The following SEC13 variants were observed in gnomAD, a reference collection of about 807,000 sequenced individuals.
SEC13 encodes the protein SEC13 homolog, nuclear pore and COPII component, also known as protein SEC13 homolog.
A neutral mutation model predicts 49.2 loss-of-function variants in SEC13; 25 were observed. The observed-to-expected ratio is 0.51, with a 90% confidence interval of 0.37 to 0.71. The LOEUF (loss-of-function observed/expected upper bound fraction) is 0.71. Ranked by LOEUF, SEC13 falls within the 30% of genes least tolerant of loss-of-function variation. SEC13 has a pLI of 0.00. For missense variants in SEC13, 383 were observed against 417.6 expected, an observed-to-expected ratio of 0.92 and a Z score of 0.72; for synonymous variants, 148 against 163.9, an observed-to-expected ratio of 0.90 and a Z score of 0.74.
rs11540907 is a variant in SEC13, at chr3:10,301,001, T to C, written c.*260A>G. The C allele has an allele frequency of 7.4e-7, 1 of 1,343,716 alleles. No homozygotes were observed. The highest frequency in any genetic ancestry group is 2.5e-5 in the East Asian group (1 of 40,754). 83.2% of individuals were successfully genotyped at this position (1,343,716 alleles called of 1,614,324 possible). A position where few individuals can be genotyped will look rare whatever the true frequency, so the allele number is the denominator to read the frequency against. ...CCCAAATAATGCCTGAACCCAAAGGTACATAAAAATGACCCAAAATAGATT... is the reference window on the plus strand; with the variant it reads ...CCCAAATAATGCCTGAACCCAAAGGCACATAAAAATGACCCAAAATAGATT... On this transcript the variant is annotated 3_prime_UTR_variant, in exon 9 of 9. Transcript: ENST00000350697.
intron 3 of SEC13, chr3:10,315,031 T>C (rs932413655): frequency 6.4e-6 from 2 of 312,274 alleles, no homozygotes; most frequent in Non-Finnish European, 1.2e-5. Flanking sequence ...GATGAGCAGA[T>C]GAAGGCTCTG....
At chr3:10,315,238 C>T in intron 3 of SEC13, 83 bp downstream of exon 3, 2 of 1,009,092 alleles carry the variant, frequency 2.0e-6, no homozygotes, top group Non-Finnish European at 3.1e-6. Flanking sequence ...ATCTGGGCTC[C>T]CATGCTTTGC....
In SEC13 at chr3:10,301,092, C is replaced by CATCTCCGATCACGTTAA; in HGVS notation, c.*152_*168dup. On this transcript the variant is annotated 3_prime_UTR_variant, in exon 9 of 9. Coordinates refer to ENST00000350697, the MANE Select transcript of SEC13 (RefSeq NM_183352.3). ...TTCAGCTGGACAGTAGATTACAAAG[C>CATCTCCGATCACGTTAA]ATCTCCGATCACGTTAAGGCAGATG... 1 of 1,612,594 alleles carries CATCTCCGATCACGTTAA rather than the reference C, an allele frequency of 6.2e-7. No homozygotes were observed. The highest frequency in any genetic ancestry group is 8.5e-7 in the Non-Finnish European group (1 of 1,179,800).
chr3:10,321,037 T>C lies in SEC13; in HGVS notation c.3+13A>G, dbSNP rs28668135. 2.1e-4 allele frequency: 331 copies of C among 1,613,042 alleles called. No homozygotes were observed. In the African/African-American group the frequency reaches 4.0e-3, roughly 19 times the overall value. ...CCTTCACCCTGCTAGGCCTCCTCAG[T>C]ACCAACACTCACCATGATTGCGGCG... is the stretch of plus-strand genomic sequence containing the variant. On this transcript the variant is annotated intron_variant, in intron 1 of 8. Transcript: ENST00000350697. The surrounding 1 kb of genome is among the most constrained non-coding windows in gnomAD (Gnocchi z 4.1).
intron 2 of SEC13, 151 bp from the exon 3 acceptor site, chr3:10,315,587 C>T: frequency 1.6e-6 from 1 of 614,160 alleles, no homozygotes; most frequent in East Asian, 2.8e-5. Context: ...AGGAAGCTAG[C>T]ATGTGGACAT....
At chr3:10,305,489 CTGAGTCATGG>C in intron 6 of SEC13, 60 bp downstream of exon 6, 1 of 1,555,256 alleles carries the variant, frequency 6.4e-7, no homozygotes, top group Non-Finnish European at 8.8e-7. Context: ...GTGAGTGTGG[CTGAGTCATGG>C]TGAGTAGGGT....
rs527435968 is a variant in SEC13 at position 10,303,086 on chromosome 3, G to A, written c.855+940C>T. ...GGTACAGAGTTTCAATTTTGCAGCT[G>A]AAAAGAGTTCTGGAGACCAGCTGCT... On this transcript the variant is annotated intron_variant, in intron 8 of 8. Coordinates refer to ENST00000350697, the MANE Select transcript of SEC13 (RefSeq NM_183352.3). 1.5e-4 allele frequency among the ~76,000 whole-genome samples: 23 copies of A among 152,344 alleles called. No homozygotes were observed. In the East Asian group the frequency reaches 4.2e-3, roughly 28 times the overall value.
At chr3:10,303,309 G>A (rs185585115) in intron 8 of SEC13, among the ~76,000 whole-genome samples, 4 of 152,376 alleles carry the variant, frequency 2.6e-5, no homozygotes, top group African/African-American at 7.2e-5. Flanking sequence ...GCCACTCCAC[G>A]TGGAACTGAC....
At chr3:10,301,415 C>T (rs1333954649) in intron 8 of SEC13, 41 bp from the exon 9 acceptor site, 2 of 1,612,620 alleles carry the variant, frequency 1.2e-6, no homozygotes, top group Non-Finnish European at 1.7e-6. Flanking sequence ...GGGTCTGTGC[C>T]CTTCCCTCTG....
chr3:10,311,821 C>T, intron 5 of SEC13, 144 bp downstream of exon 5: 2 of 1,545,400 alleles, frequency 1.3e-6, no homozygotes, highest in Non-Finnish European at 1.7e-6. Flanking sequence ...CAAAGCTGCT[C>T]TAGAGCAATC....
At chr3:10,311,344 T>G (rs960114742) in intron 5 of SEC13, among the ~76,000 whole-genome samples, 1 of 152,186 alleles carries the variant, frequency 6.6e-6, no homozygotes, top group Non-Finnish European at 1.5e-5. Context: ...CAAATTATTG[T>G]AGAATTAAAC....
chr3:10,319,183 A>G, intron 1 of SEC13: 2 of 1,613,810 alleles, frequency 1.2e-6, no homozygotes, highest in Non-Finnish European at 1.7e-6. Context: ...CTGTAGGTAT[A>G]AAGTTTGACT....
chr3:10,308,791 ATTTT>A (rs34572074), intron 5 of SEC13, among the ~76,000 whole-genome samples: 67 of 115,580 alleles, frequency 5.8e-4, no homozygotes, highest in African/African-American at 1.6e-3. Context: ...GCTGAGTTGA[ATTTT>A]TTTTTTTTTT....
At chr3:10,306,333 T>C (rs1453489488) in intron 5 of SEC13, among the ~76,000 whole-genome samples, 5 of 152,230 alleles carry the variant, frequency 3.3e-5, no homozygotes, top group Non-Finnish European at 7.3e-5. Context: ...TCTGAATTCC[T>C]GAAAACTGTC....
At chr3:10,320,960 TG>T in intron 1 of SEC13, 89 bp downstream of exon 1, 1 of 1,579,738 alleles carries the variant, frequency 6.3e-7, no homozygotes, top group Non-Finnish European at 8.6e-7. Context: ...GGCTCCAGCT[TG>T]GGATTTGGGA....
intron 2 of SEC13, among the ~76,000 whole-genome samples, chr3:10,316,197 A>C (rs1701593883): frequency 6.6e-6 from 1 of 152,080 alleles, no homozygotes; most frequent in Non-Finnish European, 1.5e-5. Context: ...TCTCTGAGGC[A>C]CCATGCCTCC....
intron 6 of SEC13, 41 bp downstream of exon 6, chr3:10,305,518 G>GAC (rs1208260613): frequency 6.2e-7 from 1 of 1,608,376 alleles, no homozygotes; most frequent in East Asian, 2.2e-5. Context: ...GTAAAGGGTA[G>GAC]AAGTGTCCCC....
At position 10,301,046 on chromosome 3, in the gene SEC13, C is replaced by T. The variant is rs569698572; in HGVS notation, c.*215G>A. The T allele has an allele frequency of 4.2e-5, 67 of 1,595,412 alleles. No homozygotes were observed. Among genetic ancestry groups the T allele is most frequent in the Non-Finnish European group, 3.6e-5 (42 of 1,168,596 alleles). ...TAGATTTGAACATCACTTGTAGTTT[C>T]TTCCTCGTAACATGAGTGCTTTCAG... On this transcript the variant is annotated 3_prime_UTR_variant, in exon 9 of 9. Transcript: ENST00000350697.
intron 5 of SEC13, among the ~76,000 whole-genome samples, chr3:10,306,918 A>C (rs1400988071): frequency 2.0e-5 from 3 of 152,216 alleles, no homozygotes; most frequent in African/African-American, 7.2e-5. Context: ...AGTCTTGGGT[A>C]TGTCTTTGCC....
Sources: allele counts gnomAD v4.1 joint callset (sites outside exome capture counted in the v4.1 genomes callset), GRCh38; gene constraint gnomAD v4.1.1; non-coding constraint Gnocchi (gnomAD v3.1); transcripts MANE v1.5; gene names NCBI Gene and HGNC (gene_info 2026-07-23, HGNC 2026-07-21).